LRRC9: variants seen among roughly 807,000 people sequenced by gnomAD.
The protein encoded by LRRC9 is leucine rich repeat containing 9, also known as leucine-rich repeat-containing protein 9.
LRRC9 carries 122 observed loss-of-function variants against 63.2 expected under a neutral mutation model. The ratio of observed to expected loss-of-function variants is 1.93; its 90% CI spans 1.67 to 2.24. The LOEUF (loss-of-function observed/expected upper bound fraction) is 2.24. Ranked by LOEUF, LRRC9 falls within the 30% of genes most tolerant of loss-of-function variation. The probability of loss-of-function intolerance (pLI) is 0.00; values close to 1 mark genes in which losing one functional copy is unlikely to be tolerated. For synonymous variants in LRRC9, 366 were observed against 213.1 expected (o/e 1.72, Z -6.25); for missense variants, 1,071 against 627.7 (o/e 1.71, Z -7.55).
At chr14:59,992,187 T>C (rs1028355192) in intron 17 of LRRC9, among the ~76,000 whole-genome samples, 7 of 152,198 alleles carry the variant, frequency 4.6e-5, no homozygotes, top group East Asian at 1.9e-4. Flanking sequence ...CCACTGCTGA[T>C]ACCCAGGCAA....
At chr14:60,037,366 GT>G (rs1447491798) in intron 29 of LRRC9, among the ~76,000 whole-genome samples, 1 of 152,148 alleles carries the variant, frequency 6.6e-6, no homozygotes, top group Non-Finnish European at 1.5e-5. Context: ...GGTTGAACTA[GT>G]TTACAGTCCC....
chr14:60,002,106 G>A lies in LRRC9; in HGVS notation c.2664+6G>A. On this transcript the variant is annotated splice_donor_region_variant and intron_variant, in intron 20 of 31. Coordinates refer to ENST00000445360, the Ensembl canonical transcript of LRRC9. ...GTGGAAACTGCTACTTGAAGGTAAA[G>A]GCTAATTCTATTAAACCTAATATAA... 4.3e-6 allele frequency: 3 copies of A among 693,708 alleles called. No individual in the cohort carries two copies. Among genetic ancestry groups the A allele is most frequent in the East Asian group, 5.4e-5 (2 of 37,138 alleles). The allele number at this position is 693,708 out of a possible 1,614,324, so 43.0% of individuals were successfully genotyped here. A position where few individuals can be genotyped will look rare whatever the true frequency, so the allele number is the denominator to read the frequency against.
intron 29 of LRRC9, among the ~76,000 whole-genome samples, chr14:60,043,261 C>G (rs1039933668): frequency 5.3e-5 from 8 of 152,172 alleles, no homozygotes; most frequent in African/African-American, 1.9e-4. Flanking sequence ...TTTGCTCCTA[C>G]CTTTTCAATT....
At chr14:60,040,556 T>A (rs1483878727) in intron 29 of LRRC9, among the ~76,000 whole-genome samples, 6 of 151,852 alleles carry the variant, frequency 4.0e-5, no homozygotes, top group Non-Finnish European at 7.4e-5. Flanking sequence ...GTTTAAAGTC[T>A]TGTTTTATCA....
downstream of LRRC9, among the ~76,000 whole-genome samples, chr14:60,065,992 A>C (rs1894877350): frequency 1.3e-5 from 2 of 152,000 alleles, no homozygotes; most frequent in Admixed American, 6.6e-5. Flanking sequence ...TTTTTAAAAA[A>C]ATTTTTGTAG....
At chr14:60,052,904 T>A (rs1171799583) in intron 29 of LRRC9, among the ~76,000 whole-genome samples, 161 bp from the exon 30 acceptor site, 1 of 152,160 alleles carries the variant, frequency 6.6e-6, no homozygotes, top group Non-Finnish European at 1.5e-5. Flanking sequence ...GGAAATTGAG[T>A]AATTTTTCAA....
intron 30 of LRRC9, among the ~76,000 whole-genome samples, chr14:60,057,181 A>G (rs1379956216): frequency 6.6e-6 from 1 of 152,122 alleles, no homozygotes; most frequent in East Asian, 1.9e-4. Context: ...CAGAATTCAC[A>G]CATATAAACA....
At position 59,962,431 on chromosome 14, in the gene LRRC9, T is replaced by C. The variant is rs1157905347; in HGVS notation, c.1211+1386T>C. Among the ~76,000 whole-genome samples the C allele has an allele frequency of 6.6e-6, 1 of 151,388 alleles. No individual in the cohort carries two copies. The highest frequency in any genetic ancestry group is 6.6e-5 in the Admixed American group (1 of 15,186). On this transcript the variant is annotated intron_variant, in intron 10 of 31. Coordinates refer to ENST00000445360, the Ensembl canonical transcript of LRRC9. This position sits in a 1 kb window ranked among gnomAD's most constrained non-coding sequence, Gnocchi z 5.1. ...AGGATTTTTTTTTTTTGAGATAGAGTCTCGCTGTGTCCCCGAGACTGGAGT... is the reference window on the plus strand; with the variant it reads ...AGGATTTTTTTTTTTTGAGATAGAGCCTCGCTGTGTCCCCGAGACTGGAGT...
At chr14:59,935,796 T>A (rs1350103856) in intron 6 of LRRC9, among the ~76,000 whole-genome samples, 1 of 152,138 alleles carries the variant, frequency 6.6e-6, no homozygotes, top group East Asian at 1.9e-4. Flanking sequence ...TCAAGGTGGT[T>A]GAAAGGGGTA....
At chr14:59,939,792 T>C (rs550990155) in intron 7 of LRRC9, among the ~76,000 whole-genome samples, 36 of 152,130 alleles carry the variant, frequency 2.4e-4, no homozygotes, top group African/African-American at 8.2e-4. Flanking sequence ...TCTAGAATCA[T>C]GATAACTTTA....
Position 59,990,876 on chromosome 14 carries a change from T to C in LRRC9, c.2211+5652T>C, listed in dbSNP as rs1302365990. ...GGTCCATCAGATGCTGCCCTGACAC[T>C]TCCTTCTTCTCCCACATGAATACCA... On this transcript the variant is annotated intron_variant, in intron 17 of 31. Coordinates refer to ENST00000445360, the Ensembl canonical transcript of LRRC9. This position sits in a 1 kb window ranked among gnomAD's most constrained non-coding sequence, Gnocchi z 4.2. Among the ~76,000 whole-genome samples the C allele has an allele frequency of 6.6e-6, 1 of 152,258 alleles. No individual in the cohort carries two copies. The highest frequency in any genetic ancestry group is 1.5e-5 in the Non-Finnish European group (1 of 68,044).
At chr14:59,946,263 G>GA (rs972847675) in intron 8 of LRRC9, among the ~76,000 whole-genome samples, 12 of 150,050 alleles carry the variant, frequency 8.0e-5, no homozygotes, top group Admixed American at 2.7e-4. Context: ...ATTATAATTA[G>GA]AAAAATATTC....
At chr14:59,931,769 T>G in intron 5 of LRRC9, 87 bp downstream of exon 5, 1 of 624,064 alleles carries the variant, frequency 1.6e-6, no homozygotes, top group Non-Finnish European at 2.8e-6. Flanking sequence ...TTTTTTTCTT[T>G]TAGGCTTTTT....
exon 14 of LRRC9, chr14:59,977,322 G>A (rs1340666763): frequency 4.3e-6 from 3 of 696,520 alleles, no homozygotes; most frequent in Non-Finnish European, 7.8e-6. Context: ...TTAATTCAGT[G>A]TTCATTCCTC....
rs1884076912 is a variant in LRRC9, at chr14:59,958,890, G to A, written c.883-928G>A. 6.6e-6 allele frequency among the ~76,000 whole-genome samples: 1 copy of A among 152,180 alleles called. No individual in the cohort carries two copies. The highest frequency in any genetic ancestry group is 2.4e-5 in the African/African-American group (1 of 41,448). On this transcript the variant is annotated intron_variant, in intron 8 of 31. Transcript: ENST00000445360. The surrounding 1 kb of genome is among the most constrained non-coding windows in gnomAD (Gnocchi z 4.0). ...AGGTCCCTGCTCCTTGCACTTCCTGGGTGATGTGACACCCCACCCTGCTTC... is the reference window on the plus strand; with the variant it reads ...AGGTCCCTGCTCCTTGCACTTCCTGAGTGATGTGACACCCCACCCTGCTTC...
chr14:60,004,874 G>A lies in LRRC9; in HGVS notation c.2842+1076G>A, dbSNP rs535463396. 0.033 allele frequency among the ~76,000 whole-genome samples: 2,251 copies of A among 69,052 alleles called. 35 individuals carry two copies. Among genetic ancestry groups the A allele is most frequent in the Admixed American group, 0.06 (340 of 5,628 alleles). The allele number at this position is 69,052 out of a possible 152,430, so 45.3% of individuals were successfully genotyped here. ...TGATTGAAAAGAGAAATATGTATATGTGTGTATACACACACACACACACAC... is the reference window on the plus strand; with the variant it reads ...TGATTGAAAAGAGAAATATGTATATATGTGTATACACACACACACACACAC... On this transcript the variant is annotated intron_variant, in intron 21 of 31. Transcript: ENST00000445360. The surrounding 1 kb of genome is among the most constrained non-coding windows in gnomAD (Gnocchi z 4.8).
rs777366976 is a variant in LRRC9 at position 60,053,209 on chromosome 14, A to G, written c.4131+4A>G. 2.0e-5 allele frequency: 14 copies of G among 694,106 alleles called. No individual in the cohort carries two copies. Among genetic ancestry groups the G allele is most frequent in the South Asian group, 1.7e-4 (11 of 65,564 alleles). The allele number at this position is 694,106 out of a possible 1,614,324, so 43.0% of individuals were successfully genotyped here. A position where few individuals can be genotyped will look rare whatever the true frequency, so the allele number is the denominator to read the frequency against. On this transcript the variant is annotated splice_donor_region_variant and intron_variant, in intron 30 of 31. Coordinates refer to ENST00000445360, the Ensembl canonical transcript of LRRC9. The surrounding 1 kb of genome is among the most constrained non-coding windows in gnomAD (Gnocchi z 4.8). ...ACTACAAGCAAAGAAAAACTCGGTA[A>G]TAATTATATTATTTACAATTTTCCT... is the stretch of plus-strand genomic sequence containing the variant.
chr14:59,975,086 AGT>A lies in LRRC9; in HGVS notation c.1639+381_1639+382del, dbSNP rs1316522562. Among the ~76,000 whole-genome samples the A allele has an allele frequency of 2.6e-4, 14 of 54,826 alleles. 4 individuals carry two copies. Among genetic ancestry groups the A allele is most frequent in the Admixed American group, 1.6e-3 (6 of 3,780 alleles). The allele number at this position is 54,826 out of a possible 152,430, so 36.0% of individuals were successfully genotyped here. On this transcript the variant is annotated intron_variant, in intron 13 of 31. Coordinates refer to ENST00000445360, the Ensembl canonical transcript of LRRC9. Reference sequence around the variant, plus strand: ...AAACTATGTGTGTGTGTGTGTGTGTAGTGTATATATATATACATATATATATG... The same window carrying A: ...AAACTATGTGTGTGTGTGTGTGTGTAGTATATATATATACATATATATATG...
rs79304670 is a variant in LRRC9, at chr14:60,004,991, C to T, written c.2842+1193C>T. 6.5e-3 allele frequency among the ~76,000 whole-genome samples: 993 copies of T among 151,992 alleles called. 53 individuals carry two copies. The East Asian group carries it at 0.15, about 23-fold the overall frequency. On this transcript the variant is annotated intron_variant, in intron 21 of 31. Coordinates refer to ENST00000445360, the Ensembl canonical transcript of LRRC9. This position sits in a 1 kb window ranked among gnomAD's most constrained non-coding sequence, Gnocchi z 4.8. The stretch of plus-strand genomic sequence containing the variant: ...GAGGGAAGGTAAGAATTAGAAATCA[C>T]GGCTGGGAAACAGAATTTACATTTT...
Sources: allele counts gnomAD v4.1 joint callset (sites outside exome capture counted in the v4.1 genomes callset), GRCh38; gene constraint gnomAD v4.1.1; non-coding constraint Gnocchi (gnomAD v3.1); transcripts MANE v1.5; gene names NCBI Gene and HGNC (gene_info 2026-07-23, HGNC 2026-07-21).